DMXL2: variants seen among roughly 807,000 people sequenced by gnomAD.
DMXL2 encodes the protein Dmx like 2, also known as dmX-like protein 2.
Under a neutral mutation model 331.1 loss-of-function variants are expected in DMXL2, and 103 were observed. The observed-to-expected ratio is 0.31, with a 90% CI of 0.27 to 0.37. The LOEUF (loss-of-function observed/expected upper bound fraction) is 0.37, where lower values mean the gene tolerates loss of function less well. Among genes scored for constraint, DMXL2 ranks in the 10% least tolerant of loss-of-function variants. The probability of loss-of-function intolerance (pLI) is 1.00; values close to 1 mark genes in which losing one functional copy is unlikely to be tolerated. For synonymous variants in DMXL2, 1,281 were observed against 1,252.1 expected, an observed-to-expected ratio of 1.02 and a Z score of -0.49; for missense variants, 3,171 against 3,642.9, an observed-to-expected ratio of 0.87 and a Z score of 3.33.
Position 51,518,704 on chromosome 15 carries a change from T to C in DMXL2, c.2437-1537A>G, listed in dbSNP as rs192151922. On this transcript the variant is annotated intron_variant, in intron 13 of 43. Coordinates refer to ENST00000560891, the MANE Select transcript of DMXL2 (RefSeq NM_001378457.1). ...CCCACAGAGATTGAGGTGCTTCCAA[T>C]GTGCAGCCAAGGTTGAGATCCCCTC... Among the ~76,000 whole-genome samples the C allele has an allele frequency of 2.0e-3, 300 of 152,310 alleles. 3 individuals are homozygous for C. Among genetic ancestry groups the C allele is most frequent in the Admixed American group, 0.017 (256 of 15,298 alleles).
chr15:51,488,517 T>C (rs375633510), intron 21 of DMXL2, 31 bp downstream of exon 21: 9 of 1,547,912 alleles, frequency 5.8e-6, no homozygotes, highest in South Asian at 2.3e-5. Context: ...CTTCATTCTG[T>C]TGAATCACGT....
In DMXL2 at chr15:51,489,982, A is replaced by T. The variant is rs530741259; in HGVS notation, c.4954-1337T>A. 2.6e-5 allele frequency among the ~76,000 whole-genome samples: 4 copies of T among 152,336 alleles called. No homozygotes were observed. The East Asian group carries it at 7.7e-4, about 29-fold the overall frequency. ...GTAAAATCTTTGTGGGATACATCTGAAACATTTCAGATAAAGTATGTCCTC... is the reference window on the plus strand; with the variant it reads ...GTAAAATCTTTGTGGGATACATCTGTAACATTTCAGATAAAGTATGTCCTC... On this transcript the variant is annotated intron_variant, in intron 20 of 43. Coordinates refer to ENST00000560891, the MANE Select transcript of DMXL2 (RefSeq NM_001378457.1).
At chr15:51,452,134 CA>C (rs2039202526) in intron 41 of DMXL2, among the ~76,000 whole-genome samples, 1 of 150,364 alleles carries the variant, frequency 6.7e-6, no homozygotes, top group Admixed American at 6.7e-5. Flanking sequence ...TCACCTTATA[CA>C]AAAATTAACT....
chr15:51,497,370 T>C (rs1483268654), intron 18 of DMXL2, among the ~76,000 whole-genome samples: 1 of 152,202 alleles, frequency 6.6e-6, no homozygotes. Flanking sequence ...GTCAACAGTT[T>C]ATCCACATAT....
At chr15:51,620,087 T>A (rs2141468260) in intron 1 of DMXL2, among the ~76,000 whole-genome samples, 1 of 152,294 alleles carries the variant, frequency 6.6e-6, no homozygotes, top group East Asian at 1.9e-4. Context: ...TACTATTTAT[T>A]ATTCCTATAT....
rs1444044243 is a variant in DMXL2, at chr15:51,449,095, A to C, written c.9066T>G (p.Ile3022Met). The part of the protein sequence containing the change: ...FRNIGAGVMQ[I>M]DIIQGNRLFS... ...AGAGCCGATTGCCCTGGATGATGTCAATCTGCATGACTCCAGCCCCAATGT... is the reference window on the plus strand; with the variant it reads ...AGAGCCGATTGCCCTGGATGATGTCCATCTGCATGACTCCAGCCCCAATGT... Residue 3022 changes from isoleucine to methionine, a missense_variant, in exon 44 of 44, where the codon ATT becomes ATG. Physicochemically the swap from Ile to Met is conservative, Grantham distance 10. Transcript: ENST00000560891. The C allele has an allele frequency of 6.2e-7, 1 of 1,614,216 alleles. No individual in the cohort carries two copies. Among genetic ancestry groups the C allele is most frequent in the Non-Finnish European group, 8.5e-7 (1 of 1,180,024 alleles).
In DMXL2 at chr15:51,486,065, C is replaced by T. The variant is rs766231528; in HGVS notation, c.5482+8G>A. 37 of 1,546,082 alleles carry T rather than the reference C, an allele frequency of 2.4e-5. 1 individual carries two copies. The Admixed American group carries it at 3.9e-4, about 16-fold the overall frequency. On this transcript the variant is annotated splice_region_variant and intron_variant, in intron 23 of 43. Coordinates refer to ENST00000560891, the MANE Select transcript of DMXL2 (RefSeq NM_001378457.1). ...AAAGAAAAAAAAGAAATCCACAAAACGTCCTACCTTGATGTTCATCATCCT... is the reference window on the plus strand; with the variant it reads ...AAAGAAAAAAAAGAAATCCACAAAATGTCCTACCTTGATGTTCATCATCCT...
At position 51,455,769 on chromosome 15, in the gene DMXL2, G is replaced by A. The variant is rs1226095514; in HGVS notation, c.8526+297C>T. Among the ~76,000 whole-genome samples, 4 of 152,202 alleles carry A rather than the reference G, an allele frequency of 2.6e-5. No individual in the cohort carries two copies. In the South Asian group the frequency reaches 8.3e-4, roughly 32 times the overall value. On this transcript the variant is annotated intron_variant, in intron 39 of 43. Coordinates refer to ENST00000560891, the MANE Select transcript of DMXL2 (RefSeq NM_001378457.1). ...ACTGATGAAATTTAGTAAGAAACTA[G>A]GTTTCTCTCAAGAACTTTACTGTGC...
At chr15:51,592,133 G>A (rs953792067) in intron 1 of DMXL2, among the ~76,000 whole-genome samples, 6 of 151,942 alleles carry the variant, frequency 3.9e-5, no homozygotes, top group South Asian at 2.1e-4. Context: ...AAAGGAGAAC[G>A]TTCGAACCCA....
intron 9 of DMXL2, among the ~76,000 whole-genome samples, chr15:51,541,769 T>C (rs1275341500): frequency 1.3e-5 from 2 of 152,166 alleles, no homozygotes; most frequent in Non-Finnish European, 2.9e-5. Context: ...ATATTGCCTT[T>C]AAATAGAAGC....
chr15:51,593,814 T>C (rs1299642144), intron 1 of DMXL2, among the ~76,000 whole-genome samples: 2 of 152,228 alleles, frequency 1.3e-5, no homozygotes, highest in East Asian at 3.8e-4. Flanking sequence ...CCTGAATGAC[T>C]ACTGGGTAAA....
intron 1 of DMXL2, among the ~76,000 whole-genome samples, chr15:51,610,196 G>T (rs1382974177): frequency 1.3e-4 from 20 of 151,938 alleles, no homozygotes; most frequent in Admixed American, 1.3e-3. Flanking sequence ...AATCAAAAAG[G>T]GTTACTTCCT....
chr15:51,615,897 T>A (rs776071443), intron 1 of DMXL2, among the ~76,000 whole-genome samples: 1 of 152,212 alleles, frequency 6.6e-6, no homozygotes, highest in Admixed American at 6.5e-5. Flanking sequence ...TAAGCCAGAA[T>A]GTTTATGAGT....
chr15:51,492,083 C>T (rs2042841800), intron 19 of DMXL2, among the ~76,000 whole-genome samples: 2 of 152,212 alleles, frequency 1.3e-5, no homozygotes, highest in Non-Finnish European at 1.5e-5. Context: ...ATCAAGAGGT[C>T]ATAAGAGCTG....
At chr15:51,578,161 A>G (rs773994967) in intron 1 of DMXL2, among the ~76,000 whole-genome samples, 4 of 152,248 alleles carry the variant, frequency 2.6e-5, no homozygotes, top group Non-Finnish European at 5.9e-5. Context: ...CCTGGAGGGT[A>G]GATACTATCA....
intron 1 of DMXL2, among the ~76,000 whole-genome samples, chr15:51,606,243 T>C (rs1345116505): frequency 6.6e-6 from 1 of 152,200 alleles, no homozygotes; most frequent in Admixed American, 6.5e-5. Flanking sequence ...GTTTTGTTCT[T>C]GTCGCCCAGG....
At chr15:51,550,075 A>T (rs569914238) in intron 6 of DMXL2, among the ~76,000 whole-genome samples, 25 of 152,196 alleles carry the variant, frequency 1.6e-4, no homozygotes, top group Non-Finnish European at 3.2e-4. Flanking sequence ...AAGATTGTCT[A>T]CCATGATCAA....
intron 1 of DMXL2, among the ~76,000 whole-genome samples, chr15:51,613,690 T>C (rs1316330127): frequency 6.6e-6 from 1 of 152,240 alleles, no homozygotes; most frequent in African/African-American, 2.4e-5. Context: ...TCTTTGGGGT[T>C]TTTATTTGCT....
At chr15:51,553,764 C>A (rs2049369501) in intron 6 of DMXL2, among the ~76,000 whole-genome samples, 1 of 147,200 alleles carries the variant, frequency 6.8e-6, no homozygotes, top group African/African-American at 2.5e-5. Flanking sequence ...GAGTATAGCA[C>A]ATATTGGATG....
Sources: allele counts gnomAD v4.1 joint callset (sites outside exome capture counted in the v4.1 genomes callset), GRCh38; gene constraint gnomAD v4.1.1; transcripts MANE v1.5; gene names NCBI Gene and HGNC (gene_info 2026-07-23, HGNC 2026-07-21).